Variants in AFF1 observed in about 807,000 individuals in gnomAD.
AFF1 encodes AF4/FMR2 family member 1.
A neutral mutation model predicts 121.7 loss-of-function variants in AFF1; 48 were observed. The observed-to-expected ratio is 0.39, with a 90% CI of 0.31 to 0.50. The LOEUF (loss-of-function observed/expected upper bound fraction) is 0.50. Ranked by LOEUF, AFF1 falls within the 20% of genes least tolerant of loss-of-function variation. The pLI, the probability that AFF1 is intolerant of heterozygous loss-of-function variation, is 0.76. For synonymous variants in AFF1, 613 were observed against 563.0 expected (o/e 1.09, Z -1.26); for missense variants, 1,523 against 1,511.7 (o/e 1.01, Z -0.12).
intron 2 of AFF1, among the ~76,000 whole-genome samples, chr4:86,988,958 A>G (rs1724498559): frequency 6.6e-6 from 1 of 152,182 alleles, no homozygotes; most frequent in Non-Finnish European, 1.5e-5. Flanking sequence ...TATTTAATAA[A>G]TGGTTTGGGA....
chr4:87,135,051 G>T lies in AFF1; in HGVS notation c.3535+357G>T, dbSNP rs1729185446. ...GGCTGTTCCTAGGCCCAGCACATTG[G>T]AGATACAAAGTAGCATAACCCAAAT... On this transcript the variant is annotated intron_variant, in intron 20 of 20. Transcript: ENST00000395146. 2.0e-5 allele frequency among the ~76,000 whole-genome samples: 3 copies of T among 152,292 alleles called. No individual in the cohort carries two copies. In the South Asian group the frequency reaches 6.2e-4, roughly 32 times the overall value.
chr4:87,018,658 G>A (rs1727592425), intron 2 of AFF1, among the ~76,000 whole-genome samples: 1 of 152,218 alleles, frequency 6.6e-6, no homozygotes, highest in African/African-American at 2.4e-5. Flanking sequence ...TCATGTGGCA[G>A]TTTCTTGAAA....
At chr4:86,939,224 T>C (rs1221294162) in intron 1 of AFF1, among the ~76,000 whole-genome samples, 4 of 152,352 alleles carry the variant, frequency 2.6e-5, no homozygotes, top group South Asian at 4.1e-4. Context: ...ATTGTGACTC[T>C]GAAATTGGAA....
At chr4:87,012,452 G>GTATA (rs1726874435) in intron 2 of AFF1, among the ~76,000 whole-genome samples, 1 of 152,116 alleles carries the variant, frequency 6.6e-6, no homozygotes, top group Admixed American at 6.6e-5. Flanking sequence ...GTGAGGCTAA[G>GTATA]TATAATCTCT....
rs1449033163 is a variant in AFF1 at position 87,115,611 on chromosome 4, T to TTTTTTTTTTC, written c.2466+321_2466+322insCTTTTTTTTT. Among the ~76,000 whole-genome samples, 64 of 106,582 alleles carry TTTTTTTTTTC rather than the reference T, an allele frequency of 6.0e-4. 3 individuals are homozygous for TTTTTTTTTTC. Among genetic ancestry groups the TTTTTTTTTTC allele is most frequent in the African/African-American group, 2.0e-3 (61 of 30,062 alleles). The allele number at this position is 106,582 out of a possible 152,430, so 69.9% of individuals were successfully genotyped here. On this transcript the variant is annotated intron_variant, in intron 12 of 20. Transcript: ENST00000395146. ...CTAGGGCCGCCCCCAACCCACCTCT[T>TTTTTTTTTTC]TTTTTTTTTTTTTTCCAAAGACAGG...
chr4:87,127,405 C>T (rs1342216930), intron 15 of AFF1, among the ~76,000 whole-genome samples: 2 of 152,098 alleles, frequency 1.3e-5, no homozygotes, highest in African/African-American at 4.8e-5. Context: ...TCAAATGATC[C>T]GCCTGCCTCG....
chr4:87,068,257 G>GTC (rs1721585457), intron 4 of AFF1, among the ~76,000 whole-genome samples: 1 of 120,132 alleles, frequency 8.3e-6, no homozygotes, highest in Non-Finnish European at 1.7e-5. Flanking sequence ...CATGAAAATT[G>GTC]CCCCCCCCCC....
chr4:87,134,944 C>CT lies in AFF1; in HGVS notation c.3535+252dup, dbSNP rs541861705. Among the ~76,000 whole-genome samples the CT allele has an allele frequency of 2.4e-3, 361 of 152,318 alleles. 3 individuals are homozygous for CT. Among genetic ancestry groups the CT allele is most frequent in the African/African-American group, 8.3e-3 (344 of 41,572 alleles). ...TACAAGTGGCTTTAGCGCCTTGCCC[C>CT]TTCTGAAGCTCTGCTGTCATTACTT... On this transcript the variant is annotated intron_variant, in intron 20 of 20. Transcript: ENST00000395146.
intron 1 of AFF1, among the ~76,000 whole-genome samples, chr4:86,947,389 T>C (rs1230190105): frequency 1.3e-5 from 2 of 152,296 alleles, no homozygotes; most frequent in Non-Finnish European, 2.9e-5. Flanking sequence ...AAAGACCTTA[T>C]CGGGAGTAAG....
chr4:87,102,693 T>G (rs566395615), intron 8 of AFF1, among the ~76,000 whole-genome samples: 2 of 152,276 alleles, frequency 1.3e-5, no homozygotes, highest in South Asian at 4.2e-4. Flanking sequence ...AAGGTGAAAA[T>G]GATTTGATCC....
At chr4:87,078,940 T>C (rs1722923659) in intron 4 of AFF1, among the ~76,000 whole-genome samples, 1 of 152,210 alleles carries the variant, frequency 6.6e-6, no homozygotes, top group Non-Finnish European at 1.5e-5. Flanking sequence ...TTATTAGATA[T>C]GTTTTAATAT....
chr4:87,078,960 T>A (rs1256870406), intron 4 of AFF1, among the ~76,000 whole-genome samples: 1 of 152,160 alleles, frequency 6.6e-6, no homozygotes, highest in East Asian at 1.9e-4. Context: ...TGAAAACATA[T>A]TTGACCTTCA....
intron 5 of AFF1, among the ~76,000 whole-genome samples, chr4:87,087,381 G>A (rs1311069062): frequency 6.6e-6 from 1 of 152,216 alleles, no homozygotes; most frequent in Admixed American, 6.5e-5. Flanking sequence ...GCAGAGGGAA[G>A]AACTGGTGGA....
intron 8 of AFF1, among the ~76,000 whole-genome samples, chr4:87,097,136 C>A (rs1368546807): frequency 6.6e-6 from 1 of 152,160 alleles, no homozygotes; most frequent in African/African-American, 2.4e-5. Flanking sequence ...CCCTGTAGAC[C>A]ATAAAAGGCC....
At chr4:87,022,545 T>TAGAG (rs1560546884) in intron 2 of AFF1, among the ~76,000 whole-genome samples, 2 of 32,898 alleles carry the variant, frequency 6.1e-5, no homozygotes, top group Non-Finnish European at 9.3e-5. Flanking sequence ...TGCTTACAGA[T>TAGAG]ATATATATAT....
intron 2 of AFF1, among the ~76,000 whole-genome samples, chr4:87,034,087 A>AG (rs1729324250): frequency 6.6e-6 from 1 of 152,156 alleles, no homozygotes; most frequent in South Asian, 2.1e-4. Flanking sequence ...AGTGCTGGAG[A>AG]GCACCTCTGG....
chr4:87,072,890 A>G (rs567891097), intron 4 of AFF1, among the ~76,000 whole-genome samples: 5 of 152,298 alleles, frequency 3.3e-5, no homozygotes, highest in African/African-American at 1.2e-4. Context: ...TCTTATTTTC[A>G]AACTTTTGTA....
chr4:87,060,289 T>A (rs1490215592), intron 4 of AFF1, among the ~76,000 whole-genome samples: 3 of 152,190 alleles, frequency 2.0e-5, no homozygotes, highest in Non-Finnish European at 4.4e-5. Context: ...GTTGGAAGTT[T>A]TATGCATCTG....
chr4:86,944,499 C>A (rs368811641), intron 1 of AFF1, among the ~76,000 whole-genome samples: 2 of 150,688 alleles, frequency 1.3e-5, no homozygotes, highest in Admixed American at 1.3e-4. Flanking sequence ...CGCGCCATCA[C>A]GCTTGGCTAA....
Sources: gnomAD v4.1 joint callset for allele counts (sites outside exome capture counted in the v4.1 genomes callset) on GRCh38, gnomAD v4.1.1 for gene constraint, MANE v1.5 for transcripts, NCBI Gene and HGNC (gene_info 2026-07-23, HGNC 2026-07-21) for gene names.